Variants in TMCC1 observed in about 807,000 individuals in gnomAD.
TMCC1 encodes the protein transmembrane and coiled-coil domain family 1.
A neutral mutation model predicts 52.4 loss-of-function variants in TMCC1; 15 were observed. The observed-to-expected ratio is 0.29, with a 90% CI of 0.19 to 0.44. The LOEUF (loss-of-function observed/expected upper bound fraction) is 0.44. TMCC1 is among the 20% of genes least tolerant of loss of function. The probability of loss-of-function intolerance (pLI) is 1.00; values close to 1 mark genes in which losing one functional copy is unlikely to be tolerated. For missense variants in TMCC1, 503 were observed against 806.0 expected, an observed-to-expected ratio of 0.62 and a Z score of 4.55; for synonymous variants, 279 against 301.9, an observed-to-expected ratio of 0.92 and a Z score of 0.79.
At chr3:129,812,308 G>A (rs1439273126) in intron 4 of TMCC1, among the ~76,000 whole-genome samples, 3 of 112,008 alleles carry the variant, frequency 2.7e-5, no homozygotes, top group African/African-American at 1.0e-4. Flanking sequence ...CTGCACTCCA[G>A]CCTAGGCAAC....
chr3:129,781,451 C>G (rs1415086256), intron 4 of TMCC1, among the ~76,000 whole-genome samples: 1 of 152,118 alleles, frequency 6.6e-6, no homozygotes, highest in Non-Finnish European at 1.5e-5. Flanking sequence ...CTCCTTCAAG[C>G]TTTCTTAGGT....
At chr3:129,678,289 C>T (rs1255715247) in intron 4 of TMCC1, among the ~76,000 whole-genome samples, 1 of 151,286 alleles carries the variant, frequency 6.6e-6, no homozygotes, top group Non-Finnish European at 1.5e-5. Context: ...ATCATAGTTG[C>T]TAATACATAT....
intron 4 of TMCC1, among the ~76,000 whole-genome samples, chr3:129,780,353 T>C (rs1483949754): frequency 6.6e-6 from 1 of 152,140 alleles, no homozygotes; most frequent in East Asian, 1.9e-4. Flanking sequence ...CTACTGAACC[T>C]ATAGTTGTAT....
chr3:129,842,988 G>T (rs1085070), intron 2 of TMCC1, among the ~76,000 whole-genome samples: 2 of 152,088 alleles, frequency 1.3e-5, no homozygotes, highest in African/African-American at 4.8e-5. Context: ...TCTTATAAAA[G>T]AAGACCTAAA....
At chr3:129,697,466 T>A (rs2047499635) in intron 4 of TMCC1, among the ~76,000 whole-genome samples, 1 of 152,150 alleles carries the variant, frequency 6.6e-6, no homozygotes, top group South Asian at 2.1e-4. Flanking sequence ...TCTAGGCCTG[T>A]GATGGGAGGG....
At chr3:129,669,816 A>C (rs1479360808) in intron 5 of TMCC1, among the ~76,000 whole-genome samples, 2 of 152,170 alleles carry the variant, frequency 1.3e-5, no homozygotes. Flanking sequence ...GAATTTTCTA[A>C]CTCTTGTAGA....
chr3:129,745,229 A>G (rs1370527274), intron 4 of TMCC1, among the ~76,000 whole-genome samples: 2 of 152,234 alleles, frequency 1.3e-5, no homozygotes, highest in Non-Finnish European at 2.9e-5. Context: ...TACAATTTTA[A>G]ACATGCACTC....
chr3:129,817,088 A>G (rs920351146), intron 4 of TMCC1, among the ~76,000 whole-genome samples: 2 of 152,090 alleles, frequency 1.3e-5, no homozygotes, highest in Admixed American at 6.6e-5. Flanking sequence ...AGTTACATTG[A>G]TTTGATGTTT....
intron 2 of TMCC1, among the ~76,000 whole-genome samples, chr3:129,833,935 C>T (rs1429437928): frequency 2.0e-5 from 3 of 152,140 alleles, no homozygotes; most frequent in Non-Finnish European, 4.4e-5. Flanking sequence ...GAGACATCTG[C>T]CATGTACCTA....
intron 1 of TMCC1, among the ~76,000 whole-genome samples, chr3:129,885,986 C>T (rs1312998961): frequency 6.6e-6 from 1 of 152,104 alleles, no homozygotes; most frequent in Non-Finnish European, 1.5e-5. Flanking sequence ...CATGATCCAC[C>T]CACCTCAGCC....
chr3:129,802,372 T>C (rs1233740622), intron 4 of TMCC1, among the ~76,000 whole-genome samples: 3 of 152,226 alleles, frequency 2.0e-5, no homozygotes, highest in Admixed American at 2.0e-4. Context: ...CTTGAGAGTA[T>C]ACTATCATCA....
intron 2 of TMCC1, among the ~76,000 whole-genome samples, chr3:129,858,653 T>A (rs949751654): frequency 2.0e-5 from 3 of 152,194 alleles, no homozygotes; most frequent in African/African-American, 7.2e-5. Context: ...ATTACAGGCA[T>A]GAGCCACCAC....
intron 2 of TMCC1, among the ~76,000 whole-genome samples, chr3:129,843,947 T>C (rs1365862933): frequency 6.8e-6 from 1 of 146,174 alleles, no homozygotes; most frequent in East Asian, 2.0e-4. Context: ...TGCAGACCAG[T>C]ATCTCTAATG....
intron 4 of TMCC1, among the ~76,000 whole-genome samples, chr3:129,809,725 G>A (rs2057693205): frequency 2.0e-5 from 3 of 152,136 alleles, no homozygotes; most frequent in African/African-American, 4.8e-5. Flanking sequence ...CTGAAATCCT[G>A]CAAAAAAGAA....
intron 4 of TMCC1, chr3:129,688,188 G>A: frequency 1.0e-6 from 1 of 985,252 alleles, no homozygotes; most frequent in East Asian, 1.1e-4. Flanking sequence ...AAAACCCCCT[G>A]TCAGGCAGTC....
At chr3:129,786,313 G>A (rs900246992) in intron 4 of TMCC1, among the ~76,000 whole-genome samples, 2 of 152,098 alleles carry the variant, frequency 1.3e-5, no homozygotes, top group African/African-American at 4.8e-5. Flanking sequence ...ATTATCTAGT[G>A]ATGTTGCTCC....
At chr3:129,891,860 C>T (rs2061978272) in intron 1 of TMCC1, among the ~76,000 whole-genome samples, 1 of 152,204 alleles carries the variant, frequency 6.6e-6, no homozygotes, top group African/African-American at 2.4e-5. Context: ...GAGGCATAAG[C>T]AGTCTTGCAG....
chr3:129,887,292 C>T (rs2108011734), intron 1 of TMCC1, among the ~76,000 whole-genome samples: 1 of 151,850 alleles, frequency 6.6e-6, no homozygotes, highest in East Asian at 1.9e-4. Context: ...GCCTGTAATC[C>T]CAGCACTTTG....
Position 129,828,490 on chromosome 3 carries a change from A to T in TMCC1, c.-112T>A, listed in dbSNP as rs1254236439. 2.0e-6 allele frequency: 2 copies of T among 1,012,930 alleles called. No individual in the cohort carries two copies. The highest frequency in any genetic ancestry group is 1.6e-5 in the African/African-American group (1 of 62,190). The allele number at this position is 1,012,930 out of a possible 1,614,324, so 62.7% of individuals were successfully genotyped here. A position where few individuals can be genotyped will look rare whatever the true frequency, so the allele number is the denominator to read the frequency against. The stretch of plus-strand genomic sequence containing the variant: ...CAGTGACTACGCATGCAGCTGTGAG[A>T]CGAAGGCTTCATGCCTATCTAATGT... On this transcript the variant is annotated 5_prime_UTR_variant, in exon 4 of 7. Transcript: ENST00000393238. The surrounding 1 kb of genome is among the most constrained non-coding windows in gnomAD (Gnocchi z 4.1).
Sources: gnomAD v4.1 joint callset for allele counts (sites outside exome capture counted in the v4.1 genomes callset) on GRCh38, gnomAD v4.1.1 for gene constraint, Gnocchi (gnomAD v3.1) non-coding constraint, MANE v1.5 for transcripts, NCBI Gene and HGNC (gene_info 2026-07-23, HGNC 2026-07-21) for gene names.